The following ARHGAP23 variants were observed in gnomAD, a reference collection of about 807,000 sequenced individuals.
ARHGAP23 encodes the protein Rho GTPase activating protein 23.
A neutral mutation model predicts 136.3 loss-of-function variants in ARHGAP23; 34 were observed. The observed-to-expected ratio is 0.25, with a 90% CI of 0.19 to 0.33. The LOEUF (loss-of-function observed/expected upper bound fraction) is 0.33. Among genes scored for constraint, ARHGAP23 ranks in the 10% least tolerant of loss-of-function variants. The probability of loss-of-function intolerance (pLI) is 1.00; values close to 1 mark genes in which losing one functional copy is unlikely to be tolerated. For synonymous variants in ARHGAP23, 832 were observed against 920.5 expected, an observed-to-expected ratio of 0.90 and a Z score of 1.74; for missense variants, 1,808 against 2,139.0, an observed-to-expected ratio of 0.85 and a Z score of 3.05.
At chr17:38,443,357 A>C (rs993159058) in intron 1 of ARHGAP23, among the ~76,000 whole-genome samples, 5 of 152,238 alleles carry the variant, frequency 3.3e-5, no homozygotes, top group African/African-American at 1.2e-4. Flanking sequence ...TGCCTGGGGC[A>C]TAGTAAGCAC....
In ARHGAP23 at chr17:38,479,899, C is replaced by G; in HGVS notation, c.2629+16C>G. 1 of 1,427,598 alleles carries G rather than the reference C, an allele frequency of 7.0e-7. No homozygotes were observed. The allele number at this position is 1,427,598 out of a possible 1,614,324, so 88.4% of individuals were successfully genotyped here. A position where few individuals can be genotyped will look rare whatever the true frequency, so the allele number is the denominator to read the frequency against. On this transcript the variant is annotated intron_variant, in intron 14 of 23. Transcript: ENST00000622683. ...GGGAGCAAGGGTAGGAAGGTGGCCA[C>G]TGAGACAGGGTGGTGTGTGGGGGCA...
intron 1 of ARHGAP23, among the ~76,000 whole-genome samples, chr17:38,454,446 CGCTGGG>C (rs529662655): frequency 3.3e-5 from 5 of 152,238 alleles, no homozygotes; most frequent in African/African-American, 1.2e-4. Flanking sequence ...TTTGAAGAGA[CGCTGGG>C]GCTTCTAGGA....
chr17:38,428,607 C>T, intron 1 of ARHGAP23, 59 bp downstream of exon 1: 1 of 1,210,846 alleles, frequency 8.3e-7, no homozygotes, highest in Non-Finnish European at 1.1e-6. Flanking sequence ...AGCGGGCTGC[C>T]AAGCCAGGGT....
upstream of ARHGAP23, among the ~76,000 whole-genome samples, chr17:38,427,256 G>A (rs1457380601): frequency 2.6e-5 from 4 of 152,208 alleles, no homozygotes; most frequent in Non-Finnish European, 4.4e-5. Context: ...CTTGAGGTCA[G>A]GAGTTTGAGA....
chr17:38,508,538 T>C (rs2144823552), intron 23 of ARHGAP23, among the ~76,000 whole-genome samples: 1 of 152,164 alleles, frequency 6.6e-6, no homozygotes, highest in East Asian at 1.9e-4. Context: ...CAAAGCTGGG[T>C]GAGGATCAGA....
chr17:38,500,494 C>T, intron 22 of ARHGAP23, 103 bp from the exon 23 acceptor site: 1 of 1,039,148 alleles, frequency 9.6e-7, no homozygotes, highest in South Asian at 1.4e-5. Context: ...TTCAGAATTC[C>T]CTGGTTTCTG....
chr17:38,508,269 T>C (rs112230624), intron 23 of ARHGAP23, among the ~76,000 whole-genome samples: 3 of 152,102 alleles, frequency 2.0e-5, no homozygotes, highest in African/African-American at 7.2e-5. Context: ...AGCTGGGCCT[T>C]GTAGGGTGAG....
rs911393395 is a variant in ARHGAP23, at chr17:38,465,458, T to C, written c.484-709T>C. Among the ~76,000 whole-genome samples, 63 of 152,312 alleles carry C rather than the reference T, an allele frequency of 4.1e-4. 1 individual carries two copies. Among genetic ancestry groups the C allele is most frequent in the Admixed American group, 2.7e-3 (42 of 15,302 alleles). On this transcript the variant is annotated intron_variant, in intron 6 of 23. Coordinates refer to ENST00000622683, the MANE Select transcript of ARHGAP23 (RefSeq NM_001199417.2). Reference sequence around the variant, plus strand: ...CTGGGCAGCTCAGCAGGGGCCAGGCTGGGCCCAGGCCACAAGGCCGCTGTC... The same window carrying C: ...CTGGGCAGCTCAGCAGGGGCCAGGCCGGGCCCAGGCCACAAGGCCGCTGTC...
chr17:38,426,075 C>T (rs1191054900), upstream of ARHGAP23, among the ~76,000 whole-genome samples: 1 of 152,076 alleles, frequency 6.6e-6, no homozygotes, highest in Non-Finnish European at 1.5e-5. Context: ...CCCTCCTCCC[C>T]CATGGCCTCA....
Position 38,466,536 on chromosome 17 carries a change from C to T in ARHGAP23, c.853C>T (p.Gln285Ter), listed in dbSNP as rs2039600413. 1 of 1,475,850 alleles carries T rather than the reference C, an allele frequency of 6.8e-7. No individual in the cohort carries two copies. Among genetic ancestry groups the T allele is most frequent in the African/African-American group, 1.4e-5 (1 of 71,204 alleles). 91.4% of individuals were successfully genotyped at this position (1,475,850 alleles called of 1,614,324 possible). Residue 285 changes from glutamine (Q) to a stop codon, truncating the protein, a stop_gained, in exon 7 of 24, where the codon CAG becomes TAG. Transcript: ENST00000622683. LOFTEE classifies it high-confidence loss of function. ...SRVPPSRLEC[Q>*]QALSHWLSNQ... is the part of the protein sequence containing the mutation. ...GGTGCCCCCCAGCAGACTGGAGTGC[C>T]AGCAGGCCTTGTCACACTGGCTGTC...
At position 38,505,259 on chromosome 17, in the gene ARHGAP23, C is replaced by T. The variant is rs558855286; in HGVS notation, c.3447+4631C>T. On this transcript the variant is annotated intron_variant, in intron 23 of 23. Coordinates refer to ENST00000622683, the MANE Select transcript of ARHGAP23 (RefSeq NM_001199417.2). ...CTGGCTTCAATGGATCCTGCTGCCT[C>T]GGCCTCCCAAAGTGCTGAGATTACA... 5.3e-4 allele frequency among the ~76,000 whole-genome samples: 80 copies of T among 151,942 alleles called. 1 individual carries two copies. In the Middle Eastern group the frequency reaches 0.01, roughly 19 times the overall value.
At chr17:38,464,986 C>CGA (rs922256374) in intron 6 of ARHGAP23, among the ~76,000 whole-genome samples, 1 of 151,966 alleles carries the variant, frequency 6.6e-6, no homozygotes, top group East Asian at 1.9e-4. Context: ...GCCAGCCAGC[C>CGA]GAGAGAGAGT....
intron 12 of ARHGAP23, among the ~76,000 whole-genome samples, chr17:38,478,328 A>G (rs2039947248): frequency 6.6e-6 from 1 of 152,054 alleles, no homozygotes; most frequent in Admixed American, 6.5e-5. Context: ...GGATGAGCAC[A>G]TTGACCTTGT....
chr17:38,501,217 A>G (rs1295507784), intron 23 of ARHGAP23: 4 of 151,586 alleles, frequency 2.6e-5, no homozygotes, highest in African/African-American at 9.7e-5. Context: ...AGACTAACAG[A>G]ATAAAAAGAA....
chr17:38,424,166 C>G (rs2144461059), upstream of ARHGAP23, among the ~76,000 whole-genome samples: 1 of 152,224 alleles, frequency 6.6e-6, no homozygotes, highest in East Asian at 1.9e-4. Context: ...TTGAGGACAT[C>G]ATAAACCTGG....
chr17:38,501,775 C>G (rs1023263447), intron 23 of ARHGAP23, among the ~76,000 whole-genome samples: 1 of 151,692 alleles, frequency 6.6e-6, no homozygotes, highest in African/African-American at 2.4e-5. Context: ...ATTTAAAATC[C>G]CCCAACAATG....
At chr17:38,479,413 C>T (rs1480003941) in intron 12 of ARHGAP23, 23 bp from the exon 13 acceptor site, 12 of 1,536,752 alleles carry the variant, frequency 7.8e-6, no homozygotes, top group African/African-American at 1.4e-5. Context: ...TGACATGATC[C>T]GCTCTCTCCT....
rs1044802095 is a variant in ARHGAP23, at chr17:38,466,769, C to T, written c.1086C>T (p.Ala362=). The T allele has an allele frequency of 1.5e-5, 24 of 1,548,938 alleles. No individual in the cohort carries two copies. In the Middle Eastern group the frequency reaches 5.0e-4, roughly 32 times the overall value. Reference sequence around the variant, plus strand: ...ACTTGAGCCGGGCCACCCGTTCTGCCGAGGCACTGGGGCCAGGGGCACTGG... The same window carrying T: ...ACTTGAGCCGGGCCACCCGTTCTGCTGAGGCACTGGGGCCAGGGGCACTGG... The part of the protein sequence containing the change: ...DDYLSRATRS[A]EALGPGALVS... The change falls in exon 7 of 24, where the codon GCC becomes GCT. Residue 362 remains alanine, a synonymous_variant. Transcript: ENST00000622683.
At chr17:38,460,585 G>A (rs780624540) in intron 2 of ARHGAP23, among the ~76,000 whole-genome samples, 5 of 152,118 alleles carry the variant, frequency 3.3e-5, no homozygotes, top group Non-Finnish European at 5.9e-5. Flanking sequence ...GACTGCCCGC[G>A]TCTTCTGTGT....
Sources: allele counts gnomAD v4.1 joint callset (sites outside exome capture counted in the v4.1 genomes callset), GRCh38; gene constraint gnomAD v4.1.1; transcripts MANE v1.5; gene names NCBI Gene and HGNC (gene_info 2026-07-23, HGNC 2026-07-21).